The following GLIS3 variants were observed in gnomAD, a reference collection of about 807,000 sequenced individuals.
GLIS3 encodes the protein zinc finger protein GLIS3.
In GLIS3, 53 loss-of-function variants were observed where a neutral mutation model predicts 78.6. That is an observed-to-expected ratio of 0.67 (90% confidence interval 0.54 to 0.85). The LOEUF is 0.85. GLIS3 is among the 40% of genes least tolerant of loss of function. The pLI, the probability that GLIS3 is intolerant of heterozygous loss-of-function variation, is 0.00. For missense variants in GLIS3, 1,703 were observed against 1,231.1 expected, an observed-to-expected ratio of 1.38 and a Z score of -5.74; for synonymous variants, 684 against 509.9, an observed-to-expected ratio of 1.34 and a Z score of -4.60.
intron 4 of GLIS3, among the ~76,000 whole-genome samples, chr9:4,077,266 T>C (rs948325185): frequency 1.3e-5 from 2 of 152,186 alleles, no homozygotes; most frequent in Non-Finnish European, 2.9e-5. Context: ...TTCCTAGAAG[T>C]GTAATTGTTA....
chr9:4,026,015 A>C (rs114728110), intron 4 of GLIS3, among the ~76,000 whole-genome samples: 3 of 152,220 alleles, frequency 2.0e-5, no homozygotes, highest in Non-Finnish European at 4.4e-5. Flanking sequence ...AGGGAAGAAC[A>C]AATTTGCTAA....
intron 9 of GLIS3, among the ~76,000 whole-genome samples, chr9:3,843,368 C>T (rs1818839514): frequency 6.6e-6 from 1 of 152,182 alleles, no homozygotes; most frequent in Non-Finnish European, 1.5e-5. Flanking sequence ...TATGGTTAGG[C>T]TTCCCCAAAA....
chr9:4,280,569 T>A (rs1341513629), intron 2 of GLIS3, among the ~76,000 whole-genome samples: 3 of 151,994 alleles, frequency 2.0e-5, no homozygotes, highest in Non-Finnish European at 4.4e-5. Context: ...AGATCAAACT[T>A]TAAAAAATGA....
At chr9:4,335,998 T>C (rs1267089092) in intron 2 of GLIS3, among the ~76,000 whole-genome samples, 1 of 152,190 alleles carries the variant, frequency 6.6e-6, no homozygotes, top group Non-Finnish European at 1.5e-5. Flanking sequence ...AGCAAGCAGT[T>C]AGAAAACCTG....
intron 4 of GLIS3, among the ~76,000 whole-genome samples, chr9:4,048,516 C>A (rs1326132832): frequency 6.6e-6 from 1 of 152,142 alleles, no homozygotes; most frequent in Non-Finnish European, 1.5e-5. Context: ...CGGTCAGAAA[C>A]AGCTGGCTTA....
At chr9:3,841,806 A>G (rs568735263) in intron 9 of GLIS3, among the ~76,000 whole-genome samples, 12 of 152,332 alleles carry the variant, frequency 7.9e-5, no homozygotes, top group African/African-American at 2.2e-4. Flanking sequence ...GTATTTTGCC[A>G]ACAGTAAAAC....
the GLIS3 span, among the ~76,000 whole-genome samples, chr9:4,371,742 T>C: frequency 6.6e-6 from 1 of 152,210 alleles, no homozygotes; most frequent in African/African-American, 2.4e-5. Context: ...ACCACGTTAC[T>C]TCTCTTAGGC....
intron 2 of GLIS3, among the ~76,000 whole-genome samples, chr9:4,135,640 A>G (rs1032898938): frequency 1.3e-5 from 2 of 152,226 alleles, no homozygotes; most frequent in Non-Finnish European, 2.9e-5. Context: ...ACCCACCAAT[A>G]AATAAAGAAT....
the GLIS3 span, among the ~76,000 whole-genome samples, chr9:4,478,473 T>G: frequency 6.6e-6 from 1 of 152,142 alleles, no homozygotes; most frequent in South Asian, 2.1e-4. Flanking sequence ...TAGTTCGGCC[T>G]GGTGGCGGGC....
intron 2 of GLIS3, among the ~76,000 whole-genome samples, chr9:4,340,715 G>A (rs1238803909): frequency 6.6e-6 from 1 of 152,134 alleles, no homozygotes; most frequent in Admixed American, 6.5e-5. Flanking sequence ...TGGAGACAGA[G>A]TCTCGCTCTG....
the GLIS3 span, among the ~76,000 whole-genome samples, chr9:4,390,681 C>G: frequency 2.0e-5 from 3 of 152,306 alleles, no homozygotes; most frequent in South Asian, 2.1e-4. Context: ...TTCTCTCAGG[C>G]TAGAAGATCC....
intron 2 of GLIS3, among the ~76,000 whole-genome samples, chr9:4,155,886 G>A (rs1452969677): frequency 1.3e-5 from 2 of 152,134 alleles, no homozygotes; most frequent in Admixed American, 6.5e-5. Flanking sequence ...CCTCTGCTGT[G>A]GGAACCACTG....
At chr9:4,103,218 T>G (rs1438239869) in intron 4 of GLIS3, among the ~76,000 whole-genome samples, 1 of 152,186 alleles carries the variant, frequency 6.6e-6, no homozygotes, top group Non-Finnish European at 1.5e-5. Flanking sequence ...AGAAATATAA[T>G]TGTGTAATCT....
chr9:4,049,663 C>A (rs1825551426), intron 4 of GLIS3, among the ~76,000 whole-genome samples: 1 of 152,072 alleles, frequency 6.6e-6, no homozygotes, highest in South Asian at 2.1e-4. Flanking sequence ...AACAGGCAAC[C>A]TACAGAATGG....
intron 2 of GLIS3, among the ~76,000 whole-genome samples, chr9:4,311,491 G>A (rs1483599376): frequency 6.6e-6 from 1 of 152,164 alleles, no homozygotes; most frequent in Non-Finnish European, 1.5e-5. Context: ...CAGTCCACAA[G>A]CTTCACCAGA....
At chr9:3,999,251 T>C (rs1209549805) in intron 4 of GLIS3, among the ~76,000 whole-genome samples, 1 of 152,196 alleles carries the variant, frequency 6.6e-6, no homozygotes, top group Non-Finnish European at 1.5e-5. Flanking sequence ...CTGATAGTGC[T>C]GTTGTTTCAT....
intron 4 of GLIS3, among the ~76,000 whole-genome samples, chr9:4,107,765 A>G (rs529046167): frequency 6.6e-6 from 1 of 151,798 alleles, no homozygotes; most frequent in Non-Finnish European, 1.5e-5. Flanking sequence ...AAAAAAAAAA[A>G]CATGGCTGGC....
the GLIS3 span, among the ~76,000 whole-genome samples, chr9:4,423,742 G>A: frequency 2.0e-5 from 3 of 152,138 alleles, no homozygotes; most frequent in Non-Finnish European, 1.5e-5. Flanking sequence ...TTAAAAATGA[G>A]CCAACTGCTT....
intron 7 of GLIS3, among the ~76,000 whole-genome samples, chr9:3,884,375 G>A (rs1054906063): frequency 1.3e-5 from 2 of 152,178 alleles, no homozygotes; most frequent in Non-Finnish European, 2.9e-5. Flanking sequence ...AGAGGGAAAG[G>A]ATGAAGACCT....
Sources: allele counts gnomAD v4.1 joint callset (sites outside exome capture counted in the v4.1 genomes callset), GRCh38; gene constraint gnomAD v4.1.1; transcripts MANE v1.5; gene names NCBI Gene and HGNC (gene_info 2026-07-23, HGNC 2026-07-21).